Variants in TCERG1L observed in about 807,000 individuals in gnomAD.
TCERG1L encodes transcription elongation regulator 1 like, also known as transcription elongation regulator 1-like protein.
A neutral mutation model predicts 56.3 loss-of-function variants in TCERG1L; 37 were observed. The observed-to-expected ratio is 0.66, with a 90% CI of 0.51 to 0.87. The LOEUF is 0.87. Among genes scored for constraint, TCERG1L ranks in the 40% least tolerant of loss-of-function variants. The pLI, the probability that TCERG1L is intolerant of heterozygous loss-of-function variation, is 0.00. For missense variants in TCERG1L, 799 were observed against 774.2 expected (o/e 1.03, Z -0.38); for synonymous variants, 324 against 326.3 (o/e 0.99, Z 0.08).
intron 4 of TCERG1L, among the ~76,000 whole-genome samples, chr10:131,222,382 C>T (rs551346163): frequency 6.6e-6 from 1 of 152,306 alleles, no homozygotes; most frequent in Non-Finnish European, 1.5e-5. Flanking sequence ...CCCCGAGGGG[C>T]CATGAGTTAA....
chr10:131,168,393 T>C (rs545622207), intron 4 of TCERG1L, among the ~76,000 whole-genome samples: 8 of 152,280 alleles, frequency 5.3e-5, no homozygotes, highest in Middle Eastern at 3.4e-3. Context: ...TCCGTGGGCA[T>C]TGGCACCTGT....
intron 7 of TCERG1L, among the ~76,000 whole-genome samples, chr10:131,135,473 G>A (rs559802209): frequency 2.0e-5 from 3 of 152,240 alleles, no homozygotes; most frequent in African/African-American, 4.8e-5. Context: ...TATAAAACCC[G>A]ACAATTCTCC....
intron 3 of TCERG1L, among the ~76,000 whole-genome samples, chr10:131,307,899 C>T (rs1846832606): frequency 6.6e-6 from 1 of 151,774 alleles, no homozygotes; most frequent in Non-Finnish European, 1.5e-5. Context: ...TCAATTAGTG[C>T]CCCTATTAAG....
At chr10:131,102,046 A>G (rs1589774741) in intron 10 of TCERG1L, among the ~76,000 whole-genome samples, 1 of 152,212 alleles carries the variant, frequency 6.6e-6, no homozygotes, top group African/African-American at 2.4e-5. Context: ...AAAAGGGTGA[A>G]ATATGACCAG....
intron 3 of TCERG1L, among the ~76,000 whole-genome samples, chr10:131,284,054 G>A (rs1846493710): frequency 6.6e-6 from 1 of 150,754 alleles, no homozygotes; most frequent in African/African-American, 2.4e-5. Context: ...TTGAACCCAG[G>A]GGGCGAGGCT....
At chr10:131,288,589 C>T (rs1485417490) in intron 3 of TCERG1L, among the ~76,000 whole-genome samples, 1 of 152,170 alleles carries the variant, frequency 6.6e-6, no homozygotes, top group Non-Finnish European at 1.5e-5. Context: ...AGACATCAAG[C>T]TCTGTGCCTA....
intron 8 of TCERG1L, among the ~76,000 whole-genome samples, chr10:131,124,022 C>T (rs4437949): frequency 0.02 from 3,012 of 152,226 alleles, 191 homozygotes; most frequent in East Asian, 0.19. Flanking sequence ...AGGCTGTCCC[C>T]GCAGCAGAGG....
chr10:131,259,157 C>T (rs1846207093), intron 4 of TCERG1L, among the ~76,000 whole-genome samples: 1 of 151,602 alleles, frequency 6.6e-6, no homozygotes, highest in Non-Finnish European at 1.5e-5. Flanking sequence ...TTGAAAAAGA[C>T]CACATTAGAT....
intron 4 of TCERG1L, among the ~76,000 whole-genome samples, chr10:131,236,700 G>A (rs1459464393): frequency 6.6e-6 from 1 of 152,178 alleles, no homozygotes; most frequent in Admixed American, 6.5e-5. Context: ...TCCAGGGGTG[G>A]GAGGCTGAAG....
intron 6 of TCERG1L, among the ~76,000 whole-genome samples, chr10:131,148,123 A>C (rs1845819443): frequency 6.6e-6 from 1 of 152,254 alleles, no homozygotes. Context: ...TCCCTAGAAC[A>C]GGTGTGCATC....
At chr10:131,213,463 G>T (rs2944490) in intron 4 of TCERG1L, among the ~76,000 whole-genome samples, 128,514 of 152,180 alleles carry the variant, frequency 0.84, 54,823 homozygotes, top group Non-Finnish European at 0.91. Flanking sequence ...CTTCAAATTC[G>T]TAGTAAAATA....
At chr10:131,256,988 G>GAAAGAAA (rs1324002284) in intron 4 of TCERG1L, among the ~76,000 whole-genome samples, 4 of 72,932 alleles carry the variant, frequency 5.5e-5, no homozygotes, top group African/African-American at 1.0e-4. Context: ...AAGGAAGGAA[G>GAAAGAAA]GAAGGAAAGA....
intron 3 of TCERG1L, among the ~76,000 whole-genome samples, chr10:131,295,357 A>T (rs1846678450): frequency 6.6e-6 from 1 of 152,158 alleles, no homozygotes; most frequent in South Asian, 2.1e-4. Context: ...GTTAATAACA[A>T]CCTGCTCAAC....
chr10:131,145,974 T>C (rs1410470642), intron 7 of TCERG1L, among the ~76,000 whole-genome samples: 2 of 152,236 alleles, frequency 1.3e-5, no homozygotes, highest in Admixed American at 1.3e-4. Flanking sequence ...TTACAGGCAT[T>C]GTCAGAAACA....
chr10:131,108,598 A>G (rs1036234788), intron 9 of TCERG1L, among the ~76,000 whole-genome samples: 2 of 152,224 alleles, frequency 1.3e-5, no homozygotes, highest in Admixed American at 6.5e-5. Flanking sequence ...TCTCCTTCAC[A>G]TCTTAGTTTC....
At chr10:131,139,204 A>C (rs1476036557) in intron 7 of TCERG1L, among the ~76,000 whole-genome samples, 2 of 152,264 alleles carry the variant, frequency 1.3e-5, no homozygotes, top group Non-Finnish European at 2.9e-5. Context: ...CCCAAAATCG[A>C]AAATGCACGT....
chr10:131,240,667 C>G (rs943410243), intron 4 of TCERG1L, among the ~76,000 whole-genome samples: 1 of 152,194 alleles, frequency 6.6e-6, no homozygotes, highest in East Asian at 1.9e-4. Context: ...TCTAAAAATA[C>G]GCCACAGCCT....
chr10:131,180,035 T>A (rs950219063), intron 4 of TCERG1L, among the ~76,000 whole-genome samples: 1 of 151,782 alleles, frequency 6.6e-6, no homozygotes, highest in African/African-American at 2.4e-5. Flanking sequence ...CTGAGGGAGG[T>A]CGGGAGAAAG....
intron 4 of TCERG1L, among the ~76,000 whole-genome samples, chr10:131,218,174 G>A (rs968023572): frequency 2.6e-5 from 4 of 152,140 alleles, no homozygotes; most frequent in Admixed American, 2.0e-4. Context: ...TTCCTGGTGC[G>A]TGGACTGCCA....
Sources: allele counts gnomAD v4.1 joint callset (sites outside exome capture counted in the v4.1 genomes callset), GRCh38; gene constraint gnomAD v4.1.1; transcripts MANE v1.5; gene names NCBI Gene and HGNC (gene_info 2026-07-23, HGNC 2026-07-21).